The following ADRA1B variants were observed in gnomAD, a reference collection of about 807,000 sequenced individuals.
ADRA1B encodes the protein alpha-1B adrenergic receptor.
ADRA1B carries 17 observed loss-of-function variants against 17.9 expected under a neutral mutation model. The ratio of observed to expected loss-of-function variants is 0.95; its 90% CI spans 0.65 to 1.42. ADRA1B has a LOEUF of 1.42. Ranked by LOEUF, ADRA1B falls within the 40% of genes most tolerant of loss-of-function variation. ADRA1B has a pLI of 0.00. For missense variants in ADRA1B, 681 were observed against 722.1 expected (o/e 0.94, Z 0.65); for synonymous variants, 366 against 327.6 (o/e 1.12, Z -1.27).
intron 1 of ADRA1B, among the ~76,000 whole-genome samples, chr5:159,882,583 G>C (rs1160007349): frequency 6.6e-6 from 1 of 152,194 alleles, no homozygotes; most frequent in South Asian, 2.1e-4. Context: ...AAGGAAAACT[G>C]TCATAAGAGC....
intron 1 of ADRA1B, among the ~76,000 whole-genome samples, chr5:159,875,938 C>T (rs909540924): frequency 6.6e-6 from 1 of 152,192 alleles, no homozygotes; most frequent in African/African-American, 2.4e-5. Flanking sequence ...CCCGTAATCC[C>T]AACACTTTGG....
chr5:159,908,111 A>G (rs1754182559), intron 1 of ADRA1B, among the ~76,000 whole-genome samples: 2 of 152,276 alleles, frequency 1.3e-5, no homozygotes, highest in South Asian at 4.1e-4. Context: ...AAGGTTCCCC[A>G]GGAAGTGTTA....
intron 1 of ADRA1B, among the ~76,000 whole-genome samples, chr5:159,955,797 A>G (rs1312828193): frequency 6.6e-6 from 1 of 152,162 alleles, no homozygotes; most frequent in African/African-American, 2.4e-5. Context: ...TGTTTTGTAC[A>G]TGGAGAAGCT....
chr5:159,877,527 A>C (rs79961676), intron 1 of ADRA1B, among the ~76,000 whole-genome samples: 6,002 of 152,108 alleles, frequency 0.039, 157 homozygotes, highest in Non-Finnish European at 0.061. Flanking sequence ...AAACACTTTC[A>C]TATCTCATAT....
At chr5:159,930,679 T>C (rs1164085715) in intron 1 of ADRA1B, among the ~76,000 whole-genome samples, 1 of 152,112 alleles carries the variant, frequency 6.6e-6, no homozygotes, top group Non-Finnish European at 1.5e-5. Context: ...AGTTATAGAG[T>C]AATGTCTAAC....
intron 1 of ADRA1B, among the ~76,000 whole-genome samples, chr5:159,899,304 A>AAGGAAGGC (rs1190255186): frequency 2.6e-5 from 4 of 151,364 alleles, no homozygotes; most frequent in South Asian, 2.1e-4. Context: ...GGAAGGAAGG[A>AAGGAAGGC]AGGAAGGAAG....
the ADRA1B span, among the ~76,000 whole-genome samples, chr5:159,982,825 A>C: frequency 1.3e-5 from 2 of 152,168 alleles, no homozygotes; most frequent in African/African-American, 4.8e-5. Context: ...GAAGCCTGCT[A>C]CCTGATTGAA....
chr5:159,885,504 T>G (rs1388495146), intron 1 of ADRA1B, among the ~76,000 whole-genome samples: 1 of 152,202 alleles, frequency 6.6e-6, no homozygotes, highest in African/African-American at 2.4e-5. Context: ...ATAGAGAGTC[T>G]CAGAAGAGAC....
At chr5:159,941,081 G>A (rs947970729) in intron 1 of ADRA1B, among the ~76,000 whole-genome samples, 1 of 152,302 alleles carries the variant, frequency 6.6e-6, no homozygotes, top group Admixed American at 6.5e-5. Context: ...GGACCTCTTG[G>A]GTACTGTCAG....
upstream of ADRA1B, among the ~76,000 whole-genome samples, chr5:159,914,331 C>A (rs1194116945): frequency 6.6e-6 from 1 of 152,172 alleles, no homozygotes; most frequent in African/African-American, 2.4e-5. Flanking sequence ...GGAGCACTGT[C>A]CTGTAGGCCA....
chr5:159,941,919 C>CT (rs70987983), intron 1 of ADRA1B, among the ~76,000 whole-genome samples: 7,727 of 121,906 alleles, frequency 0.063, 354 homozygotes, highest in African/African-American at 0.08. Flanking sequence ...TACTGGGTTT[C>CT]TTTTTTTTTT....
intron 1 of ADRA1B, among the ~76,000 whole-genome samples, chr5:159,967,146 A>G (rs1180878532): frequency 6.6e-6 from 1 of 152,176 alleles, no homozygotes; most frequent in East Asian, 1.9e-4. Context: ...TGTAATACGT[A>G]TTTTTTAAAT....
upstream of ADRA1B, among the ~76,000 whole-genome samples, chr5:159,915,116 AACT>A: frequency 6.6e-6 from 1 of 152,332 alleles, no homozygotes; most frequent in East Asian, 1.9e-4. Context: ...CCCCAAAATT[AACT>A]ACTCAAAAGG....
At chr5:159,952,231 T>C (rs1755457116) in intron 1 of ADRA1B, among the ~76,000 whole-genome samples, 2 of 152,180 alleles carry the variant, frequency 1.3e-5, no homozygotes, top group African/African-American at 2.4e-5. Context: ...TAACCCTATA[T>C]ACACTATGTT....
rs189900632 is a variant in ADRA1B at position 159,967,352 on chromosome 5, T to C, written c.950-4527T>C. On this transcript the variant is annotated intron_variant, in intron 1 of 1. Transcript: ENST00000306675. ...ATATGATCTGCTTGTATGAATTCTA[T>C]GGGGTACAGAATAAATAAGTCCATC... Among the ~76,000 whole-genome samples, 62 of 152,260 alleles carry C rather than the reference T, an allele frequency of 4.1e-4. 1 individual carries two copies. The East Asian group carries it at 0.011, about 26-fold the overall frequency.
At chr5:159,911,404 C>T (rs1027691410) in intron 1 of ADRA1B, among the ~76,000 whole-genome samples, 4 of 152,190 alleles carry the variant, frequency 2.6e-5, no homozygotes, top group Non-Finnish European at 5.9e-5. Flanking sequence ...CGTCCGGCAC[C>T]CTGTGCCTTC....
chr5:159,971,577 G>T lies in ADRA1B; in HGVS notation c.950-302G>T, dbSNP rs60463459. ...TGTGGGCGATTATTGTTATCACTTAGATTGAAGGTGGCAAGTGCTGCCAGA... is the reference window on the plus strand; with the variant it reads ...TGTGGGCGATTATTGTTATCACTTATATTGAAGGTGGCAAGTGCTGCCAGA... On this transcript the variant is annotated intron_variant, in intron 1 of 1. Coordinates refer to ENST00000306675, the MANE Select transcript of ADRA1B (RefSeq NM_000679.4). Among the ~76,000 whole-genome samples, 653 of 152,284 alleles carry T rather than the reference G, an allele frequency of 4.3e-3. 6 individuals carry two copies. Among genetic ancestry groups the T allele is most frequent in the African/African-American group, 0.015 (631 of 41,556 alleles).
chr5:159,947,106 C>T lies in ADRA1B; in HGVS notation c.950-24773C>T, dbSNP rs368264496. 5.8e-4 allele frequency among the ~76,000 whole-genome samples: 88 copies of T among 152,152 alleles called. No individual in the cohort carries two copies. The South Asian group carries it at 0.018, about 30-fold the overall frequency. On this transcript the variant is annotated intron_variant, in intron 1 of 1. Transcript: ENST00000306675. ...CTGTAATCCCAGCACTTTGGGAGGCCGAGGTGGGCAGATCACCTGAGGTCA... is the reference window on the plus strand; with the variant it reads ...CTGTAATCCCAGCACTTTGGGAGGCTGAGGTGGGCAGATCACCTGAGGTCA...
chr5:159,877,815 G>A (rs576983202), intron 1 of ADRA1B, among the ~76,000 whole-genome samples: 15 of 152,338 alleles, frequency 9.8e-5, no homozygotes, highest in East Asian at 9.6e-4. Context: ...CAGGCTTTAA[G>A]CTCAGATCTC....
Sources: gnomAD v4.1 joint callset for allele counts (sites outside exome capture counted in the v4.1 genomes callset) on GRCh38, gnomAD v4.1.1 for gene constraint, MANE v1.5 for transcripts, NCBI Gene and HGNC (gene_info 2026-07-23, HGNC 2026-07-21) for gene names.